The following RPS6KC1 variants were observed in gnomAD, a reference collection of about 807,000 sequenced individuals.
RPS6KC1 encodes the protein ribosomal protein S6 kinase C1, also known as inactive ribosomal protein S6 kinase delta-1.
Under a neutral mutation model 103.8 loss-of-function variants are expected in RPS6KC1, and 54 were observed. The observed-to-expected ratio is 0.52, with a 90% CI of 0.42 to 0.65. The LOEUF (loss-of-function observed/expected upper bound fraction) is 0.65. RPS6KC1 is among the 30% of genes least tolerant of loss of function. The pLI is 0.00. For synonymous variants in RPS6KC1, 439 were observed against 438.7 expected (o/e 1.00, Z -0.01); for missense variants, 1,151 against 1,253.8 (o/e 0.92, Z 1.24).
At chr1:213,284,008 ATAATACCT>A in the RPS6KC1 span, among the ~76,000 whole-genome samples, 3 of 152,216 alleles carry the variant, frequency 2.0e-5, no homozygotes, top group African/African-American at 7.2e-5. Context: ...TAGGAACAGA[ATAATACCT>A]TTACAAATAA....
intron 3 of RPS6KC1, among the ~76,000 whole-genome samples, chr1:213,079,575 G>A (rs2079664293): frequency 6.6e-6 from 1 of 151,944 alleles, no homozygotes; most frequent in African/African-American, 2.4e-5. Flanking sequence ...ACACCACCAT[G>A]CCTGGCTAAT....
the RPS6KC1 span, among the ~76,000 whole-genome samples, chr1:213,619,401 T>C: frequency 2.6e-5 from 4 of 152,146 alleles, no homozygotes; most frequent in Admixed American, 2.6e-4. Context: ...TTATAAAAAA[T>C]AACAGCAAAG....
the RPS6KC1 span, among the ~76,000 whole-genome samples, chr1:213,456,890 G>A: frequency 1.3e-5 from 2 of 152,118 alleles, no homozygotes; most frequent in Non-Finnish European, 2.9e-5. Flanking sequence ...TTCTTAATGT[G>A]GCTATGAATC....
At chr1:213,218,715 C>A (rs536957451) in intron 8 of RPS6KC1, among the ~76,000 whole-genome samples, 1 of 152,120 alleles carries the variant, frequency 6.6e-6, no homozygotes, top group Non-Finnish European at 1.5e-5. Flanking sequence ...GAAATAACGC[C>A]GCATATCTAC....
chr1:213,279,459 C>CT (rs111956853), downstream of RPS6KC1, among the ~76,000 whole-genome samples: 1 of 152,178 alleles, frequency 6.6e-6, no homozygotes, highest in Admixed American at 6.5e-5. Flanking sequence ...AACTTATACA[C>CT]TTTTTCCCCC....
At chr1:213,564,631 G>C in the RPS6KC1 span, among the ~76,000 whole-genome samples, 1 of 152,140 alleles carries the variant, frequency 6.6e-6, no homozygotes, top group African/African-American at 2.4e-5. Context: ...CAGGCACCAT[G>C]TTCCTATGAC....
At chr1:213,097,420 G>A (rs1258087994) in intron 3 of RPS6KC1, among the ~76,000 whole-genome samples, 1 of 152,192 alleles carries the variant, frequency 6.6e-6, no homozygotes, top group African/African-American at 2.4e-5. Flanking sequence ...AAAATATTCA[G>A]TAGACCATGC....
the RPS6KC1 span, among the ~76,000 whole-genome samples, chr1:213,301,180 G>C: frequency 6.6e-6 from 1 of 152,072 alleles, no homozygotes; most frequent in Non-Finnish European, 1.5e-5. Flanking sequence ...CTCCTTTCCT[G>C]TTTTCAGTGT....
At chr1:213,065,456 C>G (rs2078245355) in intron 1 of RPS6KC1, among the ~76,000 whole-genome samples, 1 of 152,160 alleles carries the variant, frequency 6.6e-6, no homozygotes, top group South Asian at 2.1e-4. Flanking sequence ...GATTGATACT[C>G]TTATTTTTCA....
the RPS6KC1 span, among the ~76,000 whole-genome samples, chr1:213,765,913 G>A: frequency 1.3e-5 from 2 of 152,198 alleles, no homozygotes; most frequent in Non-Finnish European, 2.9e-5. Context: ...ACCAAGTGAT[G>A]ATGGGGGTAG....
the RPS6KC1 span, among the ~76,000 whole-genome samples, chr1:213,477,512 T>C: frequency 6.6e-6 from 1 of 152,216 alleles, no homozygotes; most frequent in Non-Finnish European, 1.5e-5. Flanking sequence ...CCTATCTTTG[T>C]GAATTGTACC....
chr1:213,391,014 TC>T, the RPS6KC1 span, among the ~76,000 whole-genome samples: 5 of 151,626 alleles, frequency 3.3e-5, no homozygotes, highest in Non-Finnish European at 5.9e-5. Context: ...TAGTTTTTTT[TC>T]CCCCCATCTA....
chr1:213,609,293 C>T, the RPS6KC1 span, among the ~76,000 whole-genome samples: 2 of 152,202 alleles, frequency 1.3e-5, no homozygotes, highest in African/African-American at 4.8e-5. Context: ...ACTCAGACTC[C>T]TTGTAGGTCC....
At chr1:213,420,966 C>T in the RPS6KC1 span, among the ~76,000 whole-genome samples, 33 of 152,242 alleles carry the variant, frequency 2.2e-4, no homozygotes, top group Admixed American at 5.2e-4. Flanking sequence ...TCTCTGTATG[C>T]AAATTTTCCC....
At chr1:213,079,835 T>G (rs2079695006) in intron 3 of RPS6KC1, among the ~76,000 whole-genome samples, 1 of 152,102 alleles carries the variant, frequency 6.6e-6, no homozygotes, top group Admixed American at 6.6e-5. Flanking sequence ...CTTTTGCTTC[T>G]AGACATAACT....
At chr1:213,672,889 A>C in the RPS6KC1 span, among the ~76,000 whole-genome samples, 5 of 152,242 alleles carry the variant, frequency 3.3e-5, no homozygotes, top group African/African-American at 1.2e-4. Flanking sequence ...CATCCATCTC[A>C]GGTTCCCATC....
the RPS6KC1 span, among the ~76,000 whole-genome samples, chr1:213,759,504 A>T: frequency 2.0e-5 from 3 of 152,206 alleles, no homozygotes; most frequent in Non-Finnish European, 4.4e-5. Flanking sequence ...CTAACCATGC[A>T]TGGCCACGTG....
the RPS6KC1 span, among the ~76,000 whole-genome samples, chr1:213,430,021 ATGAAGGAAGGGTTGGCTCTGCTTAGAC>A: frequency 3.9e-5 from 6 of 152,218 alleles, no homozygotes; most frequent in Admixed American, 6.5e-5. Flanking sequence ...AGTAGCAATC[ATGAAGGAAGGGTTGGCTCTGCTTAGAC>A]TGACCCTGGG....
chr1:213,671,407 T>G, the RPS6KC1 span, among the ~76,000 whole-genome samples: 6 of 152,162 alleles, frequency 3.9e-5, no homozygotes, highest in Non-Finnish European at 7.4e-5. Flanking sequence ...TGTTGGTCAG[T>G]GGGTATAAAG....
Sources: allele counts gnomAD v4.1 joint callset (sites outside exome capture counted in the v4.1 genomes callset), GRCh38; gene constraint gnomAD v4.1.1; transcripts MANE v1.5; gene names NCBI Gene and HGNC (gene_info 2026-07-23, HGNC 2026-07-21).